The following PPP1R12B variants were observed in gnomAD, a reference collection of about 807,000 sequenced individuals.
The protein encoded by PPP1R12B is protein phosphatase 1 regulatory subunit 12B.
PPP1R12B carries 76 observed loss-of-function variants against 126.1 expected under a neutral mutation model. The ratio of observed to expected loss-of-function variants is 0.60; its 90% CI spans 0.50 to 0.73. PPP1R12B has a LOEUF of 0.73. Ranked by LOEUF, PPP1R12B falls within the 30% of genes least tolerant of loss-of-function variation. The pLI is 0.00. For missense variants in PPP1R12B, 1,052 were observed against 1,205.1 expected, an observed-to-expected ratio of 0.87 and a Z score of 1.88; for synonymous variants, 356 against 434.7, an observed-to-expected ratio of 0.82 and a Z score of 2.25.
At chr1:202,448,596 T>G (rs1672547160) in intron 12 of PPP1R12B, 1 of 176,942 alleles carries the variant, frequency 5.7e-6, no homozygotes, top group Non-Finnish European at 1.2e-5. Flanking sequence ...ATATTGTAAG[T>G]GACTTTAATG....
At chr1:202,533,466 T>G (rs1684201141) in intron 18 of PPP1R12B, among the ~76,000 whole-genome samples, 1 of 152,040 alleles carries the variant, frequency 6.6e-6, no homozygotes, top group Non-Finnish European at 1.5e-5. Context: ...ATTTTGGGTT[T>G]TTTTGTTTTG....
intron 13 of PPP1R12B, among the ~76,000 whole-genome samples, chr1:202,466,960 A>C: frequency 6.6e-6 from 1 of 152,010 alleles, no homozygotes; most frequent in Non-Finnish European, 1.5e-5. Flanking sequence ...TTTACTTCTC[A>C]TATTTAGTCT....
chr1:202,541,874 AG>A (rs1685167735), intron 18 of PPP1R12B, among the ~76,000 whole-genome samples: 1 of 152,186 alleles, frequency 6.6e-6, no homozygotes, highest in African/African-American at 2.4e-5. Context: ...TCACAGTGGG[AG>A]AAAATCTGAG....
intron 13 of PPP1R12B, among the ~76,000 whole-genome samples, chr1:202,457,630 A>G (rs889838690): frequency 2.6e-5 from 4 of 152,132 alleles, no homozygotes; most frequent in African/African-American, 9.7e-5. Context: ...TCAAATAAGT[A>G]CATCAAATAT....
Position 202,587,046 on chromosome 1 carries a change from G to A in PPP1R12B, c.*6486G>A, listed in dbSNP as rs2149051374. On this transcript the variant is annotated 3_prime_UTR_variant, in exon 24 of 24. Coordinates refer to ENST00000608999, the MANE Select transcript of PPP1R12B (RefSeq NM_002481.4). ...TTCTAATCCCCCAAAGGACCTATTTGAGCTGTTCCCCAATTCATCTGCTTA... is the reference window on the plus strand; with the variant it reads ...TTCTAATCCCCCAAAGGACCTATTTAAGCTGTTCCCCAATTCATCTGCTTA... 6.6e-6 allele frequency: 1 copy of A among 151,770 alleles called. No individual in the cohort carries two copies. The highest frequency in any genetic ancestry group is 1.5e-5 in the Non-Finnish European group (1 of 67,920). The allele number at this position is 151,770 out of a possible 1,614,324, so 9.4% of individuals were successfully genotyped here.
At chr1:202,561,201 A>G (rs1687486075) in intron 19 of PPP1R12B, among the ~76,000 whole-genome samples, 1 of 152,102 alleles carries the variant, frequency 6.6e-6, no homozygotes, top group Non-Finnish European at 1.5e-5. Context: ...TTAATGACAG[A>G]TACATATTTC....
At chr1:202,556,521 A>G (rs893380003) in intron 18 of PPP1R12B, among the ~76,000 whole-genome samples, 3 of 152,180 alleles carry the variant, frequency 2.0e-5, no homozygotes, top group Non-Finnish European at 2.9e-5. Context: ...AAATGTATGT[A>G]TCTCTTCTGG....
At chr1:202,361,145 G>A (rs10800832) in intron 1 of PPP1R12B, among the ~76,000 whole-genome samples, 65,908 of 151,908 alleles carry the variant, frequency 0.43, 15,671 homozygotes, top group East Asian at 0.7. Flanking sequence ...CGCCCGCCTC[G>A]GCCTCCCAAA....
intron 1 of PPP1R12B, among the ~76,000 whole-genome samples, chr1:202,368,661 T>C (rs545821850): frequency 4.6e-5 from 7 of 152,144 alleles, no homozygotes; most frequent in Non-Finnish European, 1.0e-4. Flanking sequence ...TTTTTCTTTT[T>C]TTTTTTCAAG....
In PPP1R12B at chr1:202,567,799, G is replaced by A. The variant is rs2149025060; in HGVS notation, c.2779G>A (p.Asp927Asn). The A allele has an allele frequency of 6.2e-7, 1 of 1,614,002 alleles. No homozygotes were observed. The highest frequency in any genetic ancestry group is 1.7e-5 in the Admixed American group (1 of 60,010). The change falls in exon 22 of 24, where the codon GAC (aspartate) becomes AAC (asparagine). Residue 927 changes from aspartate (D) to asparagine (N), a missense_variant. Transcript: ENST00000608999. ...VAQQKQEKTS[D>N]RSSVLEMEKR... is the part of the protein sequence containing the mutation. ...CCAGCAGAAACAAGAAAAGACCTCTGACCGATCATCAGTGCTGGAGATGGA... is the reference window on the plus strand; with the variant it reads ...CCAGCAGAAACAAGAAAAGACCTCTAACCGATCATCAGTGCTGGAGATGGA...
Position 202,565,534 on chromosome 1 carries a change from T to C in PPP1R12B, c.2757+987T>C, listed in dbSNP as rs1358031166. Among the ~76,000 whole-genome samples, 2 of 152,104 alleles carry C rather than the reference T, an allele frequency of 1.3e-5. No individual in the cohort carries two copies. Among genetic ancestry groups the C allele is most frequent in the East Asian group, 1.9e-4 (1 of 5,194 alleles). ...ACATCCTATTCTAACCCCTCTGGAA[T>C]TGCATGAGCAGGAGGGTGCCAACAC... is the stretch of plus-strand genomic sequence containing the variant. On this transcript the variant is annotated intron_variant, in intron 21 of 23. Coordinates refer to ENST00000608999, the MANE Select transcript of PPP1R12B (RefSeq NM_002481.4). The surrounding 1 kb of genome is among the most constrained non-coding windows in gnomAD (Gnocchi z 4.3).
intron 13 of PPP1R12B, among the ~76,000 whole-genome samples, chr1:202,479,459 C>G (rs1199240631): frequency 6.6e-6 from 1 of 152,138 alleles, no homozygotes; most frequent in East Asian, 1.9e-4. Flanking sequence ...CTACTTTTCC[C>G]CTTGAGGTAT....
intron 12 of PPP1R12B, 100 bp from the exon 13 acceptor site, chr1:202,448,889 C>T: frequency 7.9e-7 from 1 of 1,272,124 alleles, no homozygotes; most frequent in Non-Finnish European, 1.1e-6. Context: ...GCGAGATTTC[C>T]TAGATGAACC....
intron 13 of PPP1R12B, among the ~76,000 whole-genome samples, chr1:202,449,528 G>A (rs1672673850): frequency 6.6e-6 from 1 of 151,540 alleles, no homozygotes; most frequent in Non-Finnish European, 1.5e-5. Context: ...TATCCACCTC[G>A]GCCTCTCAAA....
chr1:202,446,538 C>T (rs1461663595), intron 12 of PPP1R12B, among the ~76,000 whole-genome samples: 5 of 148,102 alleles, frequency 3.4e-5, no homozygotes, highest in Admixed American at 2.0e-4. Flanking sequence ...AGATTACAGG[C>T]GAGAGCCACT....
intron 2 of PPP1R12B, among the ~76,000 whole-genome samples, chr1:202,417,586 G>T (rs1668247554): frequency 6.6e-6 from 1 of 152,198 alleles, no homozygotes; most frequent in South Asian, 2.1e-4. Context: ...TGATTGGGGA[G>T]TTTATTTTTA....
In PPP1R12B at chr1:202,508,738, G is replaced by A. The variant is rs999510026; in HGVS notation, c.2490+11916G>A. On this transcript the variant is annotated intron_variant, in intron 18 of 23. Coordinates refer to ENST00000608999, the MANE Select transcript of PPP1R12B (RefSeq NM_002481.4). The surrounding 1 kb of genome is among the most constrained non-coding windows in gnomAD (Gnocchi z 4.5). ...ATGTCTGGTATAGCTACTACTTGCT[G>A]GCTGTTGTGAAGAGTCAACACTCTG... 6.6e-6 allele frequency among the ~76,000 whole-genome samples: 1 copy of A among 152,186 alleles called. No individual in the cohort carries two copies. Among genetic ancestry groups the A allele is most frequent in the Non-Finnish European group, 1.5e-5 (1 of 68,034 alleles).
chr1:202,456,068 A>G (rs1373768287), intron 13 of PPP1R12B, among the ~76,000 whole-genome samples: 2 of 152,082 alleles, frequency 1.3e-5, no homozygotes, highest in Non-Finnish European at 2.9e-5. Context: ...CAGGAGTTCT[A>G]GACCAGCCTG....
rs1311331670 is a variant in PPP1R12B at position 202,581,435 on chromosome 1, A to G, written c.*875A>G. 1 of 152,232 alleles carries G rather than the reference A, an allele frequency of 6.6e-6. No homozygotes were observed. The highest frequency in any genetic ancestry group is 1.5e-5 in the Non-Finnish European group (1 of 68,044). The allele number at this position is 152,232 out of a possible 1,614,324, so 9.4% of individuals were successfully genotyped here. ...TGCTCCCTGGAAGGTAGACTATGGCATAAGTGTCAGCTCATTGTTTTCGTC... is the reference window on the plus strand; with the variant it reads ...TGCTCCCTGGAAGGTAGACTATGGCGTAAGTGTCAGCTCATTGTTTTCGTC... On this transcript the variant is annotated 3_prime_UTR_variant, in exon 24 of 24. Coordinates refer to ENST00000608999, the MANE Select transcript of PPP1R12B (RefSeq NM_002481.4).
Sources: allele counts gnomAD v4.1 joint callset (sites outside exome capture counted in the v4.1 genomes callset), GRCh38; gene constraint gnomAD v4.1.1; non-coding constraint Gnocchi (gnomAD v3.1); transcripts MANE v1.5; gene names NCBI Gene and HGNC (gene_info 2026-07-23, HGNC 2026-07-21).